GRID2: variants seen among roughly 807,000 people sequenced by gnomAD.
GRID2 encodes glutamate receptor ionotropic, delta-2.
GRID2 carries 33 observed loss-of-function variants against 114.8 expected under a neutral mutation model. The ratio of observed to expected loss-of-function variants is 0.29; its 90% CI spans 0.22 to 0.38. The LOEUF is 0.38. Among genes scored for constraint, GRID2 ranks in the 10% least tolerant of loss-of-function variants. The pLI, the probability that GRID2 is intolerant of heterozygous loss-of-function variation, is 1.00. For synonymous variants in GRID2, 505 were observed against 449.9 expected (o/e 1.12, Z -1.55); for missense variants, 1,184 against 1,257.7 (o/e 0.94, Z 0.89).
chr4:93,243,416 G>T (rs1747775514), intron 8 of GRID2, among the ~76,000 whole-genome samples: 1 of 151,982 alleles, frequency 6.6e-6, no homozygotes, highest in South Asian at 2.1e-4. Flanking sequence ...CCAAAATGAA[G>T]GTTCCACTCC....
intron 1 of GRID2, among the ~76,000 whole-genome samples, chr4:92,549,633 C>T (rs1726476266): frequency 6.6e-6 from 1 of 151,992 alleles, no homozygotes; most frequent in African/African-American, 2.4e-5. Flanking sequence ...AAAAGAAATC[C>T]CCAAGAATTT....
intron 2 of GRID2, among the ~76,000 whole-genome samples, chr4:92,696,431 T>C (rs552435773): frequency 6.6e-6 from 1 of 152,282 alleles, no homozygotes; most frequent in South Asian, 2.1e-4. Flanking sequence ...CTCCCAAATA[T>C]TTCTATTTTA....
chr4:92,561,777 T>C (rs1430997011), intron 1 of GRID2, among the ~76,000 whole-genome samples: 1 of 152,150 alleles, frequency 6.6e-6, no homozygotes, highest in Non-Finnish European at 1.5e-5. Context: ...CAACCATATA[T>C]TTGAGAGTTG....
chr4:92,964,751 T>C (rs1186835377), intron 2 of GRID2, among the ~76,000 whole-genome samples: 3 of 151,982 alleles, frequency 2.0e-5, no homozygotes, highest in Admixed American at 2.0e-4. Context: ...TTCTGACCTC[T>C]CTCAGACTTC....
intron 8 of GRID2, among the ~76,000 whole-genome samples, chr4:93,385,821 AG>A (rs1764261951): frequency 6.6e-6 from 1 of 152,162 alleles, no homozygotes; most frequent in South Asian, 2.1e-4. Context: ...CGAGAAACTA[AG>A]GTTTTTAAAA....
chr4:92,440,936 A>C (rs62312199), intron 1 of GRID2, among the ~76,000 whole-genome samples: 48,424 of 151,318 alleles, frequency 0.32, 7,986 homozygotes, highest in African/African-American at 0.4. Context: ...AAGTATATGA[A>C]TCAGGTATGA....
chr4:93,800,861 C>G (rs1734914785), intron 1 of GRID2, among the ~76,000 whole-genome samples: 1 of 152,040 alleles, frequency 6.6e-6, no homozygotes, highest in Admixed American at 6.5e-5. Context: ...GGAATTCTGG[C>G]AATTAGCTGG....
chr4:92,515,287 G>A (rs1003215727), intron 1 of GRID2, among the ~76,000 whole-genome samples: 2 of 151,772 alleles, frequency 1.3e-5, no homozygotes, highest in Non-Finnish European at 2.9e-5. Flanking sequence ...ATTAACACAA[G>A]TCTTTAATAA....
At chr4:93,269,289 AT>A (rs143673719) in intron 8 of GRID2, among the ~76,000 whole-genome samples, 2,361 of 152,304 alleles carry the variant, frequency 0.016, 65 homozygotes, top group African/African-American at 0.054. Flanking sequence ...TAGAAATAGG[AT>A]CAGGCATTTT....
chr4:92,923,967 C>T (rs1330976943), intron 2 of GRID2, among the ~76,000 whole-genome samples: 4 of 152,236 alleles, frequency 2.6e-5, no homozygotes, highest in Admixed American at 1.3e-4. Flanking sequence ...TATTGCGGCA[C>T]TATTCACAAT....
At chr4:92,901,449 C>A (rs1490983660) in intron 2 of GRID2, among the ~76,000 whole-genome samples, 4 of 152,052 alleles carry the variant, frequency 2.6e-5, no homozygotes, top group African/African-American at 9.7e-5. Flanking sequence ...TGTCTATTTA[C>A]TCTATGATTA....
At chr4:92,321,766 T>C (rs1726326846) in intron 1 of GRID2, among the ~76,000 whole-genome samples, 1 of 152,154 alleles carries the variant, frequency 6.6e-6, no homozygotes, top group African/African-American at 2.4e-5. Flanking sequence ...TTGTGATGAT[T>C]GGTCATTTTT....
chr4:92,826,300 C>G (rs1741693437), intron 2 of GRID2, among the ~76,000 whole-genome samples: 1 of 152,018 alleles, frequency 6.6e-6, no homozygotes, highest in Non-Finnish European at 1.5e-5. Flanking sequence ...TGGATTGATT[C>G]CTAAGACTCT....
intron 1 of GRID2, among the ~76,000 whole-genome samples, chr4:92,440,706 G>A (rs1388243919): frequency 6.6e-6 from 1 of 151,966 alleles, no homozygotes; most frequent in Admixed American, 6.6e-5. Flanking sequence ...TAGGCCTGGT[G>A]GAACCGCCAT....
chr4:92,746,820 G>C (rs956647647), intron 2 of GRID2, among the ~76,000 whole-genome samples: 1 of 151,900 alleles, frequency 6.6e-6, no homozygotes, highest in African/African-American at 2.4e-5. Flanking sequence ...TGAACACTAA[G>C]GGCCTGAAAT....
chr4:92,498,945 A>G (rs943571819), intron 1 of GRID2, among the ~76,000 whole-genome samples: 2 of 133,532 alleles, frequency 1.5e-5, no homozygotes, highest in Admixed American at 7.5e-5. Context: ...AAAAAAAAAA[A>G]CAAGTTAGAA....
At chr4:93,024,273 A>T (rs1425515624) in intron 2 of GRID2, among the ~76,000 whole-genome samples, 1 of 151,782 alleles carries the variant, frequency 6.6e-6, no homozygotes, top group Non-Finnish European at 1.5e-5. Flanking sequence ...CTCGGAGACA[A>T]ATGCAGAGAA....
chr4:93,530,746 C>T (rs544467528), intron 13 of GRID2, among the ~76,000 whole-genome samples: 2 of 152,242 alleles, frequency 1.3e-5, no homozygotes, highest in South Asian at 4.1e-4. Flanking sequence ...CAGTGTATCC[C>T]TCTATCTCTA....
At chr4:93,247,888 A>T (rs1434860770) in intron 8 of GRID2, among the ~76,000 whole-genome samples, 1 of 152,090 alleles carries the variant, frequency 6.6e-6, no homozygotes, top group Non-Finnish European at 1.5e-5. Context: ...GAGAACATTC[A>T]CAGACATGAA....
Sources: gnomAD v4.1 joint callset for allele counts (sites outside exome capture counted in the v4.1 genomes callset) on GRCh38, gnomAD v4.1.1 for gene constraint, MANE v1.5 for transcripts, NCBI Gene and HGNC (gene_info 2026-07-23, HGNC 2026-07-21) for gene names.